AKAP6: variants seen among roughly 807,000 people sequenced by gnomAD.
AKAP6 encodes the protein A-kinase anchoring protein 6.
A neutral mutation model predicts 188.5 loss-of-function variants in AKAP6; 58 were observed. The observed-to-expected ratio is 0.31, with a 90% confidence interval of 0.25 to 0.38. The LOEUF (loss-of-function observed/expected upper bound fraction) is 0.38. AKAP6 is among the 10% of genes least tolerant of loss of function. The pLI is 1.00. For synonymous variants in AKAP6, 989 were observed against 998.6 expected (o/e 0.99, Z 0.18); for missense variants, 2,710 against 2,740.0 (o/e 0.99, Z 0.24).
At chr14:32,769,559 T>G (rs2300846) in intron 11 of AKAP6, among the ~76,000 whole-genome samples, 12 of 78,296 alleles carry the variant, frequency 1.5e-4, no homozygotes, top group South Asian at 1.2e-3. Context: ...TGGGTTTTTT[T>G]TTTTTTTTTT....
At chr14:32,550,213 G>T (rs1883392425) in intron 4 of AKAP6, among the ~76,000 whole-genome samples, 1 of 152,242 alleles carries the variant, frequency 6.6e-6, no homozygotes. Context: ...TAGGTTTTCA[G>T]CATCTGGAGA....
intron 12 of AKAP6, among the ~76,000 whole-genome samples, chr14:32,802,710 C>T (rs2033982462): frequency 6.6e-6 from 1 of 151,836 alleles, no homozygotes; most frequent in Admixed American, 6.6e-5. Flanking sequence ...ATTTACAAAA[C>T]CAAAAAAAAT....
intron 4 of AKAP6, among the ~76,000 whole-genome samples, chr14:32,552,399 C>A (rs1883517573): frequency 6.6e-6 from 1 of 151,980 alleles, no homozygotes; most frequent in African/African-American, 2.4e-5. Context: ...AGGAAGAGAT[C>A]CAGTTGTGGG....
At chr14:32,712,898 T>C (rs2029972704) in intron 9 of AKAP6, among the ~76,000 whole-genome samples, 1 of 152,110 alleles carries the variant, frequency 6.6e-6, no homozygotes, top group Non-Finnish European at 1.5e-5. Context: ...ATGTTGTTAA[T>C]GGCATCTAGA....
At chr14:32,640,480 T>C (rs1483034099) in intron 7 of AKAP6, among the ~76,000 whole-genome samples, 1 of 152,180 alleles carries the variant, frequency 6.6e-6, no homozygotes, top group Non-Finnish European at 1.5e-5. Flanking sequence ...TGTCTTTTAT[T>C]CTCATATTTT....
intron 1 of AKAP6, among the ~76,000 whole-genome samples, chr14:32,410,935 T>A (rs1474321823): frequency 3.9e-5 from 6 of 152,214 alleles, no homozygotes; most frequent in Admixed American, 3.3e-4. Context: ...AAATTGTAAG[T>A]GCATCTGTGC....
chr14:32,799,559 C>A (rs1310639823), intron 12 of AKAP6, among the ~76,000 whole-genome samples: 1 of 151,986 alleles, frequency 6.6e-6, no homozygotes, highest in Non-Finnish European at 1.5e-5. Context: ...ATTGAGACTT[C>A]TTTAACTCAG....
At chr14:32,414,754 C>A (rs2138659693) in intron 1 of AKAP6, among the ~76,000 whole-genome samples, 1 of 152,212 alleles carries the variant, frequency 6.6e-6, no homozygotes, top group African/African-American at 2.4e-5. Context: ...AAATTTGAAG[C>A]CCTTTCACTT....
intron 11 of AKAP6, among the ~76,000 whole-genome samples, chr14:32,762,544 T>C (rs2032574375): frequency 1.3e-5 from 2 of 152,030 alleles, no homozygotes; most frequent in Admixed American, 6.6e-5. Context: ...AACCGCAGCT[T>C]TCGTGGGATA....
In AKAP6 at chr14:32,702,663, G is replaced by A. The variant is rs140209498; in HGVS notation, c.3000+6553G>A. ...CCAGCAGTTTTTGTCTCTAGCGGGT[G>A]AGCTACTGTCCGGAAGGTGCGTTGG... On this transcript the variant is annotated intron_variant, in intron 9 of 13. Coordinates refer to ENST00000280979, the MANE Select transcript of AKAP6 (RefSeq NM_004274.5). Among the ~76,000 whole-genome samples, 10 of 152,316 alleles carry A rather than the reference G, an allele frequency of 6.6e-5. No homozygotes were observed. In the East Asian group the frequency reaches 1.9e-3, roughly 29 times the overall value.
intron 13 of AKAP6, among the ~76,000 whole-genome samples, chr14:32,825,036 A>G (rs2034640742): frequency 6.6e-6 from 1 of 152,210 alleles, no homozygotes; most frequent in Non-Finnish European, 1.5e-5. Context: ...TATCTTTATT[A>G]CATAATTCTG....
At chr14:32,564,114 A>G (rs1884086810) in intron 4 of AKAP6, among the ~76,000 whole-genome samples, 2 of 152,158 alleles carry the variant, frequency 1.3e-5, no homozygotes, top group South Asian at 2.1e-4. Flanking sequence ...TACTTGTAAT[A>G]TCTAATATAA....
intron 9 of AKAP6, among the ~76,000 whole-genome samples, chr14:32,709,984 GA>G (rs1890973323): frequency 6.6e-6 from 1 of 151,918 alleles, no homozygotes; most frequent in Non-Finnish European, 1.5e-5. Context: ...TGCTAATATT[GA>G]AAGACTGCTG....
At chr14:32,491,616 C>T (rs1880020045) in intron 2 of AKAP6, among the ~76,000 whole-genome samples, 1 of 152,222 alleles carries the variant, frequency 6.6e-6, no homozygotes, top group Non-Finnish European at 1.5e-5. Flanking sequence ...GACTGGAGCA[C>T]ATGACAACCT....
chr14:32,426,282 G>A (rs1177283521), intron 1 of AKAP6, among the ~76,000 whole-genome samples: 1 of 152,138 alleles, frequency 6.6e-6, no homozygotes, highest in Non-Finnish European at 1.5e-5. Flanking sequence ...GTGAGTATGT[G>A]TTTGGGTTAG....
chr14:32,469,293 C>G (rs1878636873), intron 2 of AKAP6, among the ~76,000 whole-genome samples: 1 of 152,136 alleles, frequency 6.6e-6, no homozygotes. Context: ...CTTGGTATGC[C>G]AGTGTATAAC....
At chr14:32,413,227 G>T (rs12436783) in intron 1 of AKAP6, among the ~76,000 whole-genome samples, 4,459 of 145,702 alleles carry the variant, frequency 0.031, 254 homozygotes, top group Admixed American at 0.16. Context: ...TGTTGCCCAG[G>T]CTGGAGTTCA....
At chr14:32,797,818 T>G (rs1365471571) in intron 12 of AKAP6, among the ~76,000 whole-genome samples, 5 of 148,916 alleles carry the variant, frequency 3.4e-5, no homozygotes, top group Admixed American at 3.3e-4. Flanking sequence ...GAAAACACAG[T>G]AAATGCCTTT....
chr14:32,773,725 T>A lies in AKAP6; in HGVS notation c.3420T>A (p.Ile1140=). The change falls in exon 12 of 14, where the codon ATT becomes ATA. Residue 1140 remains isoleucine, a synonymous_variant. Coordinates refer to ENST00000280979, the MANE Select transcript of AKAP6 (RefSeq NM_004274.5). ...AACGACGTCGAGGAGTTGCCTCCAT[T>A]CTGCGACTATGCCAGCATCTTTTGG... ...IKQRRRGVAS[I]LRLCQHLLDD... is the part of the protein sequence containing the mutation. The A allele has an allele frequency of 6.2e-7, 1 of 1,614,116 alleles. No homozygotes were observed. Among genetic ancestry groups the A allele is most frequent in the Non-Finnish European group, 8.5e-7 (1 of 1,179,974 alleles).
Sources: allele counts gnomAD v4.1 joint callset (sites outside exome capture counted in the v4.1 genomes callset), GRCh38; gene constraint gnomAD v4.1.1; transcripts MANE v1.5; gene names NCBI Gene and HGNC (gene_info 2026-07-23, HGNC 2026-07-21).